The following EGFLAM variants were observed in gnomAD, a reference collection of about 807,000 sequenced individuals.
EGFLAM encodes EGF like, fibronectin type III and laminin G domains.
Under a neutral mutation model 113.1 loss-of-function variants are expected in EGFLAM, and 79 were observed. That is an observed-to-expected ratio of 0.70 (90% CI 0.58 to 0.84). The LOEUF is 0.84. Ranked by LOEUF, EGFLAM falls within the 40% of genes least tolerant of loss-of-function variation. The pLI, the probability that EGFLAM is intolerant of heterozygous loss-of-function variation, is 0.00. For synonymous variants in EGFLAM, 504 were observed against 487.6 expected (o/e 1.03, Z -0.44); for missense variants, 1,265 against 1,291.6 (o/e 0.98, Z 0.32).
chr5:38,269,559 G>A (rs187513261), intron 1 of EGFLAM, among the ~76,000 whole-genome samples: 67 of 150,364 alleles, frequency 4.5e-4, no homozygotes, highest in Non-Finnish European at 8.1e-4. Context: ...GCGCAATCTC[G>A]GCTCACTGCA....
chr5:38,355,230 A>G (rs1579812735), intron 5 of EGFLAM, among the ~76,000 whole-genome samples: 1 of 152,200 alleles, frequency 6.6e-6, no homozygotes, highest in East Asian at 1.9e-4. Flanking sequence ...TCTGAAACCC[A>G]CAGAATTCTT....
intron 19 of EGFLAM, among the ~76,000 whole-genome samples, chr5:38,451,898 A>G (rs1198670698): frequency 6.7e-6 from 1 of 150,348 alleles, no homozygotes; most frequent in Non-Finnish European, 1.5e-5. Context: ...AGGCTGAGGC[A>G]GGAAAATGGC....
Position 38,451,456 on chromosome 5 carries a change from C to G in EGFLAM, c.2685C>G (p.Phe895Leu). 6.2e-7 allele frequency: 1 copy of G among 1,613,902 alleles called. No homozygotes were observed. The highest frequency in any genetic ancestry group is 1.1e-5 in the South Asian group (1 of 91,036). Residue 895 changes from phenylalanine to leucine, a missense_variant and splice_region_variant, in exon 19 of 22, where the codon TTC becomes TTG. By Grantham distance (22) the Phe-to-Leu change is conservative. Transcript: ENST00000322350. ...SLGLRDGALV[F>L]SYNLGSGVAS... ...GCCTTCGGGATGGAGCCCTCGTGTTCAGGTAACCCCCTCTCCATCTGCCTT... is the reference window on the plus strand; with the variant it reads ...GCCTTCGGGATGGAGCCCTCGTGTTGAGGTAACCCCCTCTCCATCTGCCTT...
chr5:38,426,105 GA>G (rs34149274), intron 13 of EGFLAM, among the ~76,000 whole-genome samples: 46 of 142,162 alleles, frequency 3.2e-4, no homozygotes, highest in Middle Eastern at 3.6e-3. Context: ...TCCATCTTGG[GA>G]AAAAAAAAAA....
At chr5:38,287,897 C>T (rs900318265) in intron 1 of EGFLAM, among the ~76,000 whole-genome samples, 4 of 152,096 alleles carry the variant, frequency 2.6e-5, no homozygotes, top group Non-Finnish European at 4.4e-5. Flanking sequence ...TATTTAATTA[C>T]CATATGCCAG....
intron 14 of EGFLAM, among the ~76,000 whole-genome samples, chr5:38,428,870 T>C (rs1235048782): frequency 6.6e-6 from 1 of 152,236 alleles, no homozygotes; most frequent in African/African-American, 2.4e-5. Context: ...GGAAAAAGAA[T>C]TTTTAAGAAT....
chr5:38,444,845 T>C (rs1386494247), intron 17 of EGFLAM, among the ~76,000 whole-genome samples: 1 of 152,164 alleles, frequency 6.6e-6, no homozygotes, highest in African/African-American at 2.4e-5. Context: ...CTCAGGAGGC[T>C]GAGGCAGGAG....
At chr5:38,358,922 C>CT (rs1739846451) in intron 5 of EGFLAM, among the ~76,000 whole-genome samples, 1 of 152,096 alleles carries the variant, frequency 6.6e-6, no homozygotes, top group Middle Eastern at 3.2e-3. Flanking sequence ...ACACAAAAGC[C>CT]ATGTGTTTGA....
intron 1 of EGFLAM, among the ~76,000 whole-genome samples, chr5:38,291,672 G>T (rs1446135248): frequency 6.6e-6 from 1 of 152,178 alleles, no homozygotes. Flanking sequence ...AAGGAAAATT[G>T]CCCAGAAACC....
chr5:38,273,055 G>A (rs909058294), intron 1 of EGFLAM, among the ~76,000 whole-genome samples: 1 of 151,884 alleles, frequency 6.6e-6, no homozygotes, highest in African/African-American at 2.4e-5. Flanking sequence ...CCAGGTTAGA[G>A]ACCACTGTAT....
Position 38,458,403 on chromosome 5 carries a change from C to A in EGFLAM, c.2771+9C>A. The stretch of plus-strand genomic sequence containing the variant: ...CGAGTTAAGGCCGTTAGGTGAGTCC[C>A]TCCCGCAGCATGAGGCAGAGCCAGA... On this transcript the variant is annotated intron_variant, in intron 20 of 21. Coordinates refer to ENST00000322350, the MANE Select transcript of EGFLAM (RefSeq NM_152403.4). 6.2e-7 allele frequency: 1 copy of A among 1,613,332 alleles called. No homozygotes were observed. The highest frequency in any genetic ancestry group is 1.1e-5 in the South Asian group (1 of 90,976).
intron 1 of EGFLAM, among the ~76,000 whole-genome samples, chr5:38,259,167 C>T (rs574545370): frequency 1.7e-4 from 26 of 152,320 alleles, no homozygotes; most frequent in African/African-American, 6.3e-4. Flanking sequence ...CAGAGGATGG[C>T]AACCATGCAG....
intron 1 of EGFLAM, among the ~76,000 whole-genome samples, chr5:38,260,566 T>G (rs1281198736): frequency 6.6e-6 from 1 of 152,248 alleles, no homozygotes; most frequent in East Asian, 1.9e-4. Context: ...TGGTTTTATT[T>G]GAAGCATAGA....
At chr5:38,355,993 C>T (rs1475849310) in intron 5 of EGFLAM, among the ~76,000 whole-genome samples, 1 of 152,202 alleles carries the variant, frequency 6.6e-6, no homozygotes, top group Non-Finnish European at 1.5e-5. Context: ...CTCCTGACCT[C>T]AAGTGATCCA....
intron 1 of EGFLAM, among the ~76,000 whole-genome samples, chr5:38,262,955 T>C (rs1757537261): frequency 6.6e-6 from 1 of 152,202 alleles, no homozygotes; most frequent in Admixed American, 6.5e-5. Context: ...TGTACGAATG[T>C]TCTAGCTGCT....
chr5:38,377,281 G>A (rs1379779034), intron 6 of EGFLAM, among the ~76,000 whole-genome samples: 3 of 152,046 alleles, frequency 2.0e-5, no homozygotes, highest in Non-Finnish European at 4.4e-5. Context: ...GGGATTACAA[G>A]CACCTGCCAC....
chr5:38,456,593 C>T (rs1182789595), intron 19 of EGFLAM, among the ~76,000 whole-genome samples: 1 of 152,094 alleles, frequency 6.6e-6, no homozygotes, highest in African/African-American at 2.4e-5. Flanking sequence ...TCAAGTCACC[C>T]CAAGTCCTAT....
At chr5:38,426,010 G>C (rs577590717) in intron 13 of EGFLAM, among the ~76,000 whole-genome samples, 1 of 152,118 alleles carries the variant, frequency 6.6e-6, no homozygotes, top group Admixed American at 6.5e-5. Context: ...GGCTGAGGCA[G>C]GAGAATTGCT....
intron 6 of EGFLAM, among the ~76,000 whole-genome samples, chr5:38,377,767 G>A (rs1422594105): frequency 1.3e-5 from 2 of 152,174 alleles, no homozygotes; most frequent in South Asian, 2.1e-4. Flanking sequence ...AAGGAAGGAA[G>A]AGAGCAAACC....
Sources: allele counts gnomAD v4.1 joint callset (sites outside exome capture counted in the v4.1 genomes callset), GRCh38; gene constraint gnomAD v4.1.1; transcripts MANE v1.5; gene names NCBI Gene and HGNC (gene_info 2026-07-23, HGNC 2026-07-21).